C3orf22: variants seen among roughly 807,000 people sequenced by gnomAD.
The protein encoded by C3orf22 is uncharacterized protein C3orf22.
A neutral mutation model predicts 10.8 loss-of-function variants in C3orf22; 7 were observed. That is an observed-to-expected ratio of 0.65 (90% CI 0.37 to 1.22). The LOEUF (loss-of-function observed/expected upper bound fraction) is 1.22, where lower values mean the gene tolerates loss of function less well. Ranked by LOEUF, C3orf22 falls within the 50% of genes most tolerant of loss-of-function variation. The probability of loss-of-function intolerance (pLI) is 0.02; values close to 1 mark genes in which losing one functional copy is unlikely to be tolerated. For synonymous variants in C3orf22, 79 were observed against 78.9 expected (o/e 1.00, Z 0.00); for missense variants, 173 against 177.0 (o/e 0.98, Z 0.13).
At chr3:126,553,594 C>G (rs1419282013) in intron 1 of C3orf22, among the ~76,000 whole-genome samples, 164 bp from the exon 2 acceptor site, 3 of 152,038 alleles carry the variant, frequency 2.0e-5, no homozygotes, top group Admixed American at 6.5e-5. Context: ...CGTGTAGCTT[C>G]CTGTGACCAC....
intron 1 of C3orf22, among the ~76,000 whole-genome samples, chr3:126,556,347 GCA>G (rs1937328729): frequency 6.6e-6 from 1 of 152,136 alleles, no homozygotes; most frequent in Non-Finnish European, 1.5e-5. Context: ...GCTGTGCTCT[GCA>G]CAGTCACCCA....
chr3:126,528,696 G>T (rs762856178), intron 5 of C3orf22, among the ~76,000 whole-genome samples: 21 of 152,190 alleles, frequency 1.4e-4, no homozygotes, highest in Non-Finnish European at 2.4e-4. Flanking sequence ...GCTCAAGGGG[G>T]ATCTGGGCAG....
chr3:126,548,379 G>A (rs1413363245), downstream of C3orf22, among the ~76,000 whole-genome samples: 1 of 152,212 alleles, frequency 6.6e-6, no homozygotes, highest in East Asian at 1.9e-4. Flanking sequence ...GGTGAAGTGG[G>A]GGAAGGAGCA....
At chr3:126,530,895 T>C (rs1936643773) in intron 4 of C3orf22, among the ~76,000 whole-genome samples, 1 of 152,254 alleles carries the variant, frequency 6.6e-6, no homozygotes, top group South Asian at 2.1e-4. Flanking sequence ...CTGGCCCTTG[T>C]TCCTGGGCCT....
At chr3:126,536,388 C>T (rs375884058) in intron 4 of C3orf22, 2 of 1,543,690 alleles carry the variant, frequency 1.3e-6, no homozygotes, top group African/African-American at 1.4e-5. Flanking sequence ...GGCATGCCCC[C>T]CTCCATCCCA....
chr3:126,542,607 G>A, intron 4 of C3orf22: 1 of 1,445,094 alleles, frequency 6.9e-7, no homozygotes, highest in South Asian at 1.5e-5. Flanking sequence ...GGCCACGCGG[G>A]GCAAGTGCCT....
chr3:126,552,761 G>A (rs1239849292), intron 2 of C3orf22, among the ~76,000 whole-genome samples: 1 of 152,218 alleles, frequency 6.6e-6, no homozygotes, highest in Non-Finnish European at 1.5e-5. Context: ...GTGCCAAGCT[G>A]AGCCCCAGTG....
At chr3:126,553,451 T>C in intron 1 of C3orf22, 21 bp from the exon 2 acceptor site, 2 of 1,087,368 alleles carry the variant, frequency 1.8e-6, no homozygotes, top group Non-Finnish European at 2.8e-6. Context: ...AGAGGAGGCG[T>C]CAGAGGGGGC....
At chr3:126,531,116 G>A (rs746619718) in intron 4 of C3orf22, among the ~76,000 whole-genome samples, 1 of 152,288 alleles carries the variant, frequency 6.6e-6, no homozygotes, top group Non-Finnish European at 1.5e-5. Context: ...CAGGCACTGC[G>A]CTGGCGCAGC....
At chr3:126,553,184 T>C in intron 2 of C3orf22, 118 bp downstream of exon 2, 1 of 787,822 alleles carries the variant, frequency 1.3e-6, no homozygotes, top group South Asian at 1.5e-5. Flanking sequence ...GCTAAGGGTC[T>C]CCCTGTGGAC....
chr3:126,547,559 A>G (rs2107577282), downstream of C3orf22, among the ~76,000 whole-genome samples: 1 of 152,286 alleles, frequency 6.6e-6, no homozygotes, highest in South Asian at 2.1e-4. Flanking sequence ...TTTTTCTACA[A>G]ACCACCACCA....
chr3:126,550,480 C>T (rs910313833), intron 3 of C3orf22, among the ~76,000 whole-genome samples: 1 of 152,212 alleles, frequency 6.6e-6, no homozygotes, highest in East Asian at 1.9e-4. Context: ...AGGACACCCT[C>T]TGTCTCCCAC....
intron 4 of C3orf22, chr3:126,541,588 C>G (rs1936957010): frequency 3.0e-6 from 2 of 662,240 alleles, no homozygotes; most frequent in South Asian, 4.5e-5. Flanking sequence ...ACACAGTGAT[C>G]AGTGACAGCC....
chr3:126,542,554 C>T lies in C3orf22; in HGVS notation c.286+6983G>A, dbSNP rs1426381588. On this transcript the variant is annotated intron_variant and NMD_transcript_variant, in intron 4 of 5. Transcript: ENST00000505070. ...ACTTCCTGCTTTTCAACTACTCCGC[C>T]CCCTCCTACCTGCGGCTGCTCTAGC... 4 of 1,510,054 alleles carry T rather than the reference C, an allele frequency of 2.6e-6. No homozygotes were observed. The Admixed American group carries it at 7.0e-5, about 26-fold the overall frequency. 93.5% of individuals were successfully genotyped at this position (1,510,054 alleles called of 1,614,324 possible).
intron 4 of C3orf22, chr3:126,541,730 C>G: frequency 6.9e-7 from 1 of 1,454,674 alleles, no homozygotes; most frequent in Non-Finnish European, 9.0e-7. Flanking sequence ...CTGTCGCCCA[C>G]AGGACCCGCG....
At chr3:126,542,236 C>G in intron 4 of C3orf22, 1 of 1,524,204 alleles carries the variant, frequency 6.6e-7, no homozygotes. Flanking sequence ...TCGCGGAGTT[C>G]CTGGCCTACC....
intron 4 of C3orf22, among the ~76,000 whole-genome samples, chr3:126,544,260 C>T (rs1937031119): frequency 6.6e-6 from 1 of 152,196 alleles, no homozygotes; most frequent in African/African-American, 2.4e-5. Flanking sequence ...CTCTGTACCA[C>T]CTCCGGACTG....
chr3:126,554,448 G>C (rs988016719), intron 1 of C3orf22, among the ~76,000 whole-genome samples: 19 of 152,186 alleles, frequency 1.2e-4, no homozygotes, highest in African/African-American at 4.6e-4. Context: ...ATTTTTAGTA[G>C]AGACGGGGTT....
chr3:126,538,002 A>G (rs894904590), intron 4 of C3orf22, among the ~76,000 whole-genome samples: 5 of 152,316 alleles, frequency 3.3e-5, no homozygotes, highest in Middle Eastern at 3.4e-3. Flanking sequence ...CAGTGGACAT[A>G]GGTCCAGCTT....
Sources: allele counts gnomAD v4.1 joint callset (sites outside exome capture counted in the v4.1 genomes callset), GRCh38; gene constraint gnomAD v4.1.1; transcripts MANE v1.5; gene names NCBI Gene and HGNC (gene_info 2026-07-23, HGNC 2026-07-21).